The following USP38 variants were observed in gnomAD, a reference collection of about 807,000 sequenced individuals.
USP38 encodes ubiquitin specific peptidase 38.
In USP38, 49 loss-of-function variants were observed where a neutral mutation model predicts 94.3. That is an observed-to-expected ratio of 0.52 (90% confidence interval 0.41 to 0.66). The LOEUF is 0.66. USP38 is among the 30% of genes least tolerant of loss of function. USP38 has a pLI of 0.00. For synonymous variants in USP38, 468 were observed against 463.6 expected (o/e 1.01, Z -0.12); for missense variants, 1,128 against 1,229.4 (o/e 0.92, Z 1.23).
intron 2 of USP38, among the ~76,000 whole-genome samples, chr4:143,192,550 C>CTTTTTTTTTTTTTTT (rs35416730): frequency 9.7e-6 from 1 of 103,408 alleles, no homozygotes; most frequent in Non-Finnish European, 1.8e-5. Context: ...TCCCATATTA[C>CTTTTTTTTTTTTTTT]TTTTTTTTTT....
chr4:143,214,953 A>T lies in USP38; in HGVS notation c.2967+10A>T. On this transcript the variant is annotated intron_variant, in intron 9 of 9. Transcript: ENST00000307017. ...TAAACTATATTTACAGGTAAGTTGG[A>T]AATACAAGCTTTATTTGTTGAAAAT... The T allele has an allele frequency of 6.2e-7, 1 of 1,605,064 alleles. No homozygotes were observed. The highest frequency in any genetic ancestry group is 1.3e-5 in the African/African-American group (1 of 74,468).
At position 143,212,356 on chromosome 4, in the gene USP38, C is replaced by G. The variant is rs1212638929; in HGVS notation, c.1536C>G (p.Ser512=). The G allele has an allele frequency of 6.2e-7, 1 of 1,612,360 alleles. No homozygotes were observed. The highest frequency in any genetic ancestry group is 8.5e-7 in the Non-Finnish European group (1 of 1,179,030). ...AYAPRIFFEA[S]RPPWFTPRSQ... ...CACCTCGGATATTCTTTGAGGCTTC[C>G]AGACCTCCATGGTTTACTCCCAGAT... The change falls in exon 8 of 10, where the codon TCC becomes TCG. Residue 512 remains serine (S), a synonymous_variant. Transcript: ENST00000307017.
chr4:143,193,842 T>TA (rs966391535), intron 2 of USP38, among the ~76,000 whole-genome samples: 3 of 152,120 alleles, frequency 2.0e-5, no homozygotes, highest in African/African-American at 7.2e-5. Flanking sequence ...TCCTAACACT[T>TA]TAGGAGGCCG....
chr4:143,195,113 CTG>C (rs767696591), intron 2 of USP38, among the ~76,000 whole-genome samples: 1 of 152,166 alleles, frequency 6.6e-6, no homozygotes, highest in South Asian at 2.1e-4. Context: ...TCATATTAGA[CTG>C]TACTCACCAG....
chr4:143,204,295 T>G (rs973926851), intron 5 of USP38: 1 of 404,176 alleles, frequency 2.5e-6, no homozygotes, highest in African/African-American at 2.1e-5. Flanking sequence ...TTTAATTCTA[T>G]TTTTGCTGTG....
chr4:143,213,263 C>T (rs536339106), intron 8 of USP38, among the ~76,000 whole-genome samples: 33 of 152,186 alleles, frequency 2.2e-4, no homozygotes, highest in African/African-American at 7.2e-4. Context: ...TTTATTTGTG[C>T]CTGACTTTCT....
chr4:143,185,373 C>G lies in USP38; in HGVS notation c.-78C>G. On this transcript the variant is annotated 5_prime_UTR_variant, in exon 1 of 10. Coordinates refer to ENST00000307017, the MANE Select transcript of USP38 (RefSeq NM_032557.6). ...CGGCGCTCCAAGTTCATCTCCGCCC[C>G]GGGGCTCTCCTGCCCCACCTCGGGG... 1 of 1,462,968 alleles carries G rather than the reference C, an allele frequency of 6.8e-7. No individual in the cohort carries two copies. The highest frequency in any genetic ancestry group is 9.1e-7 in the Non-Finnish European group (1 of 1,095,594). The allele number at this position is 1,462,968 out of a possible 1,614,324, so 90.6% of individuals were successfully genotyped here.
chr4:143,214,804 T>G lies in USP38; in HGVS notation c.2828T>G (p.Val943Gly). 3 of 1,613,736 alleles carry G rather than the reference T, an allele frequency of 1.9e-6. No individual in the cohort carries two copies. Among genetic ancestry groups the G allele is most frequent in the Non-Finnish European group, 2.5e-6 (3 of 1,179,770 alleles). ...TSRFPKDTAY[V>G]LLYKKQHSTN... ...AGGTTTCCAAAGGACACAGCTTATGTGCTTTTGTATAAAAAACAGCATAGT... is the reference window on the plus strand; with the variant it reads ...AGGTTTCCAAAGGACACAGCTTATGGGCTTTTGTATAAAAAACAGCATAGT... Residue 943 changes from valine to glycine, a missense_variant, in exon 9 of 10, where the codon GTG (valine) becomes GGG (glycine). Transcript: ENST00000307017.
At chr4:143,205,871 T>C (rs1197202121) in intron 5 of USP38, among the ~76,000 whole-genome samples, 162 bp from the exon 6 acceptor site, 1 of 152,200 alleles carries the variant, frequency 6.6e-6, no homozygotes, top group Non-Finnish European at 1.5e-5. Flanking sequence ...AAATTTGATA[T>C]TTTCATGACT....
chr4:143,186,321 AG>A (rs2149602664), intron 1 of USP38, among the ~76,000 whole-genome samples, 189 bp downstream of exon 1: 1 of 152,350 alleles, frequency 6.6e-6, no homozygotes, highest in African/African-American at 2.4e-5. Context: ...CTTTAAAAAC[AG>A]GCAGCGTTCC....
chr4:143,190,832 T>TTAAGACATTG (rs796747219), intron 2 of USP38, among the ~76,000 whole-genome samples: 15 of 152,270 alleles, frequency 9.9e-5, no homozygotes, highest in African/African-American at 3.1e-4. Flanking sequence ...TCTCTTCTAA[T>TTAAGACATTG]TAAGACATTG....
intron 9 of USP38, among the ~76,000 whole-genome samples, chr4:143,216,100 T>TG (rs1301876289): frequency 2.0e-5 from 3 of 152,142 alleles, no homozygotes; most frequent in Admixed American, 2.0e-4. Flanking sequence ...GAATCCCAAA[T>TG]GCTTGTATAG....
intron 9 of USP38, among the ~76,000 whole-genome samples, chr4:143,217,615 A>T (rs1167452245): frequency 2.0e-5 from 3 of 152,190 alleles, no homozygotes; most frequent in Non-Finnish European, 4.4e-5. Context: ...TCATAATCAG[A>T]TTAGAAACTC....
intron 2 of USP38, among the ~76,000 whole-genome samples, chr4:143,193,149 C>G (rs764662404): frequency 6.6e-6 from 1 of 151,986 alleles, no homozygotes; most frequent in Non-Finnish European, 1.5e-5. Context: ...TTTTTATGTC[C>G]ATATTTACAT....
rs1286972313 is a variant in USP38, at chr4:143,185,636, C to T, written c.186C>T (p.His62=). Residue 62 remains histidine (H), a synonymous_variant, in exon 1 of 10, where the codon CAC becomes CAT. Coordinates refer to ENST00000307017, the MANE Select transcript of USP38 (RefSeq NM_032557.6). ...GQDPFQRQVG[H]QVLEAYARYH... ...ACCCTTTCCAGCGGCAGGTGGGGCA[C>T]CAGGTGCTGGAGGCCTACGCACGAT... 2.5e-6 allele frequency: 4 copies of T among 1,614,026 alleles called. No individual in the cohort carries two copies. Among genetic ancestry groups the T allele is most frequent in the Admixed American group, 1.7e-5 (1 of 60,002 alleles).
chr4:143,211,369 T>C (rs1002526094), intron 7 of USP38, among the ~76,000 whole-genome samples: 1 of 152,148 alleles, frequency 6.6e-6, no homozygotes, highest in Non-Finnish European at 1.5e-5. Flanking sequence ...AAATCTTTTA[T>C]GTCTTAATCA....
intron 5 of USP38, chr4:143,204,410 T>C (rs1731803557): frequency 1.5e-5 from 7 of 452,428 alleles, no homozygotes; most frequent in Non-Finnish European, 2.7e-5. Flanking sequence ...TTTTTTTTTT[T>C]GGACAGTCTT....
chr4:143,187,480 G>T (rs776648540), intron 1 of USP38, among the ~76,000 whole-genome samples: 10 of 152,006 alleles, frequency 6.6e-5, no homozygotes, highest in Non-Finnish European at 1.3e-4. Context: ...GATACTTTAT[G>T]TTTCTTTATA....
chr4:143,220,007 C>G (rs1732281959), intron 9 of USP38, among the ~76,000 whole-genome samples: 1 of 152,176 alleles, frequency 6.6e-6, no homozygotes, highest in East Asian at 1.9e-4. Context: ...TCACCCACTT[C>G]CAAAATAGCC....
Sources: allele counts gnomAD v4.1 joint callset (sites outside exome capture counted in the v4.1 genomes callset), GRCh38; gene constraint gnomAD v4.1.1; transcripts MANE v1.5; gene names NCBI Gene and HGNC (gene_info 2026-07-23, HGNC 2026-07-21).